Variants in ABRAXAS1 observed in about 807,000 individuals in gnomAD.
ABRAXAS1 encodes abraxas 1, BRCA1 A complex subunit, also known as BRCA1-A complex subunit Abraxas 1.
Under a neutral mutation model 38.4 loss-of-function variants are expected in ABRAXAS1, and 26 were observed. The ratio of observed to expected loss-of-function variants is 0.68; its 90% CI spans 0.50 to 0.94. The LOEUF (loss-of-function observed/expected upper bound fraction) is 0.94, where lower values mean the gene tolerates loss of function less well. Ranked by LOEUF, ABRAXAS1 falls within the 40% of genes least tolerant of loss-of-function variation. The probability of loss-of-function intolerance (pLI) is 0.00; values close to 1 mark genes in which losing one functional copy is unlikely to be tolerated. For missense variants in ABRAXAS1, 438 were observed against 481.9 expected (o/e 0.91, Z 0.85); for synonymous variants, 144 against 165.5 (o/e 0.87, Z 1.00).
At chr4:83,480,584 C>T (rs2110048123) in intron 2 of ABRAXAS1, among the ~76,000 whole-genome samples, 1 of 152,138 alleles carries the variant, frequency 6.6e-6, no homozygotes, top group Middle Eastern at 3.4e-3. Flanking sequence ...AGTATGAGTA[C>T]AAACTGATAT....
In ABRAXAS1 at chr4:83,460,893, G is replaced by C. The variant is rs1722074036; in HGVS notation, c.*1576C>G. The C allele has an allele frequency of 1.7e-6, 2 of 1,206,672 alleles. No individual in the cohort carries two copies. The highest frequency in any genetic ancestry group is 4.8e-5 in the East Asian group (2 of 41,670). The allele number at this position is 1,206,672 out of a possible 1,614,324, so 74.7% of individuals were successfully genotyped here. A position where few individuals can be genotyped will look rare whatever the true frequency, so the allele number is the denominator to read the frequency against. ...TGTACTCCAGCCTGGGTGACACAGGGAGACTCCATCTCAAAAAAAAAAATT... is the reference window on the plus strand; with the variant it reads ...TGTACTCCAGCCTGGGTGACACAGGCAGACTCCATCTCAAAAAAAAAAATT... On this transcript the variant is annotated 3_prime_UTR_variant, in exon 9 of 9. Transcript: ENST00000321945.
intron 4 of ABRAXAS1, among the ~76,000 whole-genome samples, chr4:83,471,357 C>G (rs1722586131): frequency 6.6e-6 from 1 of 151,486 alleles, no homozygotes; most frequent in South Asian, 2.1e-4. Flanking sequence ...GCATGCGCCA[C>G]TACGCCCGGC....
intron 1 of ABRAXAS1, among the ~76,000 whole-genome samples, chr4:83,484,616 G>C (rs1050030013): frequency 6.6e-6 from 1 of 152,246 alleles, no homozygotes; most frequent in Non-Finnish European, 1.5e-5. Context: ...GTCGGGCGTC[G>C]CGAGAAACGG....
At chr4:83,478,042 G>C in intron 2 of ABRAXAS1, 1 of 995,552 alleles carries the variant, frequency 1.0e-6, no homozygotes, top group Non-Finnish European at 1.6e-6. Flanking sequence ...GTCTGTGGAG[G>C]AGTGTGGTTC....
intron 2 of ABRAXAS1, 113 bp downstream of exon 2, chr4:83,482,041 A>G: frequency 3.0e-6 from 2 of 673,030 alleles, no homozygotes; most frequent in Non-Finnish European, 4.8e-6. Context: ...CACCTTGCCC[A>G]GCCTCTGTAT....
chr4:83,475,594 C>T (rs1722736674), intron 3 of ABRAXAS1, among the ~76,000 whole-genome samples: 1 of 152,130 alleles, frequency 6.6e-6, no homozygotes, highest in Non-Finnish European at 1.5e-5. Context: ...CAGAAGCATG[C>T]CATCACTCCT....
chr4:83,461,028 A>G lies in ABRAXAS1; in HGVS notation c.*1441T>C. On this transcript the variant is annotated 3_prime_UTR_variant, in exon 9 of 9. Transcript: ENST00000321945. ...CAAAAGCAATTAAGAGAGCTCAAAT[A>G]ATGGGTAAGAAAGAATACCTCAACA... 1 of 1,612,438 alleles carries G rather than the reference A, an allele frequency of 6.2e-7. No individual in the cohort carries two copies. The highest frequency in any genetic ancestry group is 8.5e-7 in the Non-Finnish European group (1 of 1,179,248).
chr4:83,464,471 T>C (rs1722272611), intron 7 of ABRAXAS1, among the ~76,000 whole-genome samples: 1 of 152,238 alleles, frequency 6.6e-6, no homozygotes, highest in African/African-American at 2.4e-5. Context: ...TGATGTTTCT[T>C]AGTATAACAT....
chr4:83,465,412 A>G (rs1390520111), intron 7 of ABRAXAS1, among the ~76,000 whole-genome samples: 1 of 152,194 alleles, frequency 6.6e-6, no homozygotes, highest in Non-Finnish European at 1.5e-5. Context: ...TTATGTCACC[A>G]TGACTATTGA....
In ABRAXAS1 at chr4:83,482,136, G is replaced by A. The variant is rs748143173; in HGVS notation, c.178+18C>T. The A allele has an allele frequency of 1.1e-5, 16 of 1,468,668 alleles. No homozygotes were observed. Among genetic ancestry groups the A allele is most frequent in the Non-Finnish European group, 1.5e-5 (16 of 1,056,414 alleles). The allele number at this position is 1,468,668 out of a possible 1,614,324, so 91.0% of individuals were successfully genotyped here. On this transcript the variant is annotated intron_variant, in intron 2 of 8. Transcript: ENST00000321945. ...GGAGACACAGATGATTCAAATATAG[G>A]AGAAATAAATAACTCACCAATTGTA...
At position 83,476,758 on chromosome 4, in the gene ABRAXAS1, C is replaced by T; in HGVS notation, c.179-79G>A. On this transcript the variant is annotated intron_variant, in intron 2 of 8. Transcript: ENST00000321945. ...TGAATGCTGCATATTGAGCCTTTACCTCACGCCAGGAAGTACTTTACCACT... is the reference window on the plus strand; with the variant it reads ...TGAATGCTGCATATTGAGCCTTTACTTCACGCCAGGAAGTACTTTACCACT... The T allele has an allele frequency of 3.3e-6, 3 of 898,740 alleles. 1 individual carries two copies. Among genetic ancestry groups the T allele is most frequent in the South Asian group, 2.9e-5 (2 of 69,804 alleles). 55.7% of individuals were successfully genotyped at this position (898,740 alleles called of 1,614,324 possible).
intron 2 of ABRAXAS1, chr4:83,480,090 C>T (rs192606946): frequency 1.8e-5 from 4 of 223,362 alleles, no homozygotes; most frequent in Admixed American, 1.1e-4. Flanking sequence ...CACATTTGGC[C>T]GGGCATGGTG....
In ABRAXAS1 at chr4:83,461,106, A is replaced by G. The variant is rs764044193; in HGVS notation, c.*1363T>C. 3.7e-6 allele frequency: 6 copies of G among 1,613,382 alleles called. No individual in the cohort carries two copies. In the South Asian group the frequency reaches 6.6e-5, roughly 18 times the overall value. ...TCATTATGTTTTGTCAAGAACTTTAATTATCTCTTTACAGGGTTTATGCCA... is the reference window on the plus strand; with the variant it reads ...TCATTATGTTTTGTCAAGAACTTTAGTTATCTCTTTACAGGGTTTATGCCA... On this transcript the variant is annotated 3_prime_UTR_variant, in exon 9 of 9. Transcript: ENST00000321945.
Position 83,462,503 on chromosome 4 carries a change from C to T in ABRAXAS1, c.1196G>A (p.Gly399Asp). The T allele has an allele frequency of 6.2e-7, 1 of 1,613,700 alleles. No homozygotes were observed. Among genetic ancestry groups the T allele is most frequent in the Non-Finnish European group, 8.5e-7 (1 of 1,179,892 alleles). ...ETDEEIEKMK[G>D]FGEYSRSPTF is the part of the protein sequence containing the mutation. ...AGGAGACCGTGAATATTCACCAAAA[C>T]CCTTCATCTTTTCAATTTCTTCATC... Residue 399 changes from glycine to aspartate, a missense_variant, in exon 9 of 9, where the codon GGT (glycine) becomes GAT (aspartate). Physicochemically the swap from Gly to Asp is moderately conservative, Grantham distance 94. Coordinates refer to ENST00000321945, the MANE Select transcript of ABRAXAS1 (RefSeq NM_139076.3).
At chr4:83,484,314 A>C (rs1355642828) in intron 1 of ABRAXAS1, 1 of 554,294 alleles carries the variant, frequency 1.8e-6, no homozygotes, top group Admixed American at 6.3e-5. Context: ...TCTTTCTGCA[A>C]GTTACTGAAA....
chr4:83,474,221 G>C (rs1215788074), intron 3 of ABRAXAS1, among the ~76,000 whole-genome samples: 2 of 151,892 alleles, frequency 1.3e-5, no homozygotes, highest in Non-Finnish European at 2.9e-5. Context: ...GTTTCAGTAG[G>C]CTATTTCCCA....
At chr4:83,476,559 A>G in intron 3 of ABRAXAS1, 84 bp downstream of exon 3, 1 of 984,158 alleles carries the variant, frequency 1.0e-6, no homozygotes, top group Non-Finnish European at 1.6e-6. Flanking sequence ...TATAACTAAG[A>G]TAATCTGTTA....
intron 7 of ABRAXAS1, among the ~76,000 whole-genome samples, chr4:83,466,341 TGAACTGACACATGAAGAA>T (rs1464102440): frequency 2.6e-5 from 4 of 152,178 alleles, no homozygotes; most frequent in Non-Finnish European, 5.9e-5. Context: ...TAAAAGGACC[TGAACTGACACATGAAGAA>T]GAACTGACAC....
Position 83,482,137 on chromosome 4 carries a change from A to G in ABRAXAS1, c.178+17T>C, listed in dbSNP as rs1458139715. ...GAGACACAGATGATTCAAATATAGG[A>G]GAAATAAATAACTCACCAATTGTAT... is the stretch of plus-strand genomic sequence containing the variant. On this transcript the variant is annotated intron_variant, in intron 2 of 8. Coordinates refer to ENST00000321945, the MANE Select transcript of ABRAXAS1 (RefSeq NM_139076.3). The G allele has an allele frequency of 6.8e-7, 1 of 1,475,822 alleles. No individual in the cohort carries two copies. The highest frequency in any genetic ancestry group is 1.2e-5 in the South Asian group (1 of 85,696). 91.4% of individuals were successfully genotyped at this position (1,475,822 alleles called of 1,614,324 possible). A position where few individuals can be genotyped will look rare whatever the true frequency, so the allele number is the denominator to read the frequency against.
Sources: allele counts gnomAD v4.1 joint callset (sites outside exome capture counted in the v4.1 genomes callset), GRCh38; gene constraint gnomAD v4.1.1; transcripts MANE v1.5; gene names NCBI Gene and HGNC (gene_info 2026-07-23, HGNC 2026-07-21).